Variants in SBF2 observed in about 807,000 individuals in gnomAD.
The protein encoded by SBF2 is SET binding factor 2.
In SBF2, 112 loss-of-function variants were observed where a neutral mutation model predicts 225.2. The observed-to-expected ratio is 0.50, with a 90% CI of 0.43 to 0.58. The LOEUF (loss-of-function observed/expected upper bound fraction) is 0.58, where lower values mean the gene tolerates loss of function less well. SBF2 is among the 20% of genes least tolerant of loss of function. SBF2 has a pLI of 0.00. For synonymous variants in SBF2, 763 were observed against 773.3 expected (o/e 0.99, Z 0.22); for missense variants, 1,996 against 2,206.2 (o/e 0.90, Z 1.91).
At chr11:9,851,585 AAT>A (rs929865293) in intron 21 of SBF2, among the ~76,000 whole-genome samples, 1 of 152,148 alleles carries the variant, frequency 6.6e-6, no homozygotes, top group Admixed American at 6.5e-5. Context: ...CTGAAGGTCT[AAT>A]ATGTTTATTT....
intron 15 of SBF2, among the ~76,000 whole-genome samples, chr11:9,963,423 T>A (rs7936351): frequency 6.6e-6 from 1 of 152,078 alleles, no homozygotes; most frequent in African/African-American, 2.4e-5. Context: ...CAAGATCATG[T>A]CACTGTACTC....
chr11:9,987,797 T>C (rs747216223), intron 13 of SBF2, among the ~76,000 whole-genome samples: 14 of 152,138 alleles, frequency 9.2e-5, no homozygotes, highest in Non-Finnish European at 1.6e-4. Context: ...ACACATCCCA[T>C]GCTCATGGAT....
chr11:10,304,429 C>CAAAT (rs1351682432), intron 1 of SBF2, among the ~76,000 whole-genome samples: 1 of 152,206 alleles, frequency 6.6e-6, no homozygotes, highest in African/African-American at 2.4e-5. Context: ...AGATAATTCC[C>CAAAT]CCCTCCAAAT....
At chr11:9,877,531 T>C (rs1433094114) in intron 17 of SBF2, among the ~76,000 whole-genome samples, 4 of 152,184 alleles carry the variant, frequency 2.6e-5, no homozygotes, top group East Asian at 1.9e-4. Flanking sequence ...TTTCTCCTAA[T>C]GCTATCCCTA....
chr11:10,296,599 T>C (rs12418494), upstream of SBF2, among the ~76,000 whole-genome samples: 41,583 of 152,060 alleles, frequency 0.27, 6,473 homozygotes, highest in Non-Finnish European at 0.36. Context: ...AACCATATCA[T>C]ATGTATATAC....
rs372563104 is a variant in SBF2 at position 9,823,045 on chromosome 11, T to A, written c.3794-6021A>T. Among the ~76,000 whole-genome samples, 5 of 152,322 alleles carry A rather than the reference T, an allele frequency of 3.3e-5. No individual in the cohort carries two copies. The South Asian group carries it at 1.0e-3, about 32-fold the overall frequency. The stretch of plus-strand genomic sequence containing the variant: ...AAGGATGAAAAATTAAAAAGCTGCC[T>A]CCAAGTGGCTACTTCTCAAATATAC... On this transcript the variant is annotated intron_variant, in intron 28 of 39. Transcript: ENST00000256190.
At chr11:10,274,344 T>C (rs1251988368) in intron 1 of SBF2, among the ~76,000 whole-genome samples, 1 of 152,368 alleles carries the variant, frequency 6.6e-6, no homozygotes, top group South Asian at 2.1e-4. Flanking sequence ...TGAAGAGATA[T>C]GTACTACATT....
chr11:10,063,830 A>AAC (rs140036479), intron 2 of SBF2, among the ~76,000 whole-genome samples: 8,183 of 140,098 alleles, frequency 0.058, 292 homozygotes, highest in Non-Finnish European at 0.072. Context: ...TCTAAAATAA[A>AAC]ACACACACAC....
intron 2 of SBF2, among the ~76,000 whole-genome samples, chr11:10,124,297 A>G (rs1953631719): frequency 2.6e-5 from 4 of 152,158 alleles, no homozygotes; most frequent in African/African-American, 9.7e-5. Flanking sequence ...TATCCTTCCA[A>G]TGGCATACTA....
chr11:10,296,036 C>A (rs1347517648), upstream of SBF2, among the ~76,000 whole-genome samples: 1 of 152,182 alleles, frequency 6.6e-6, no homozygotes, highest in Non-Finnish European at 1.5e-5. Flanking sequence ...ATTAAGCAGT[C>A]ATTCTCATTC....
At chr11:9,994,392 G>A (rs1481894508) in intron 9 of SBF2, among the ~76,000 whole-genome samples, 6 of 150,812 alleles carry the variant, frequency 4.0e-5, no homozygotes, top group Non-Finnish European at 5.9e-5. Flanking sequence ...GGAGAATGGC[G>A]TGAACCCGGG....
chr11:10,244,630 T>G (rs909241128), intron 1 of SBF2, among the ~76,000 whole-genome samples: 1 of 152,216 alleles, frequency 6.6e-6, no homozygotes, highest in Non-Finnish European at 1.5e-5. Flanking sequence ...TTTAGGCATG[T>G]GTTATCCTGT....
intron 2 of SBF2, among the ~76,000 whole-genome samples, chr11:10,047,267 A>C (rs1308451175): frequency 6.6e-6 from 1 of 152,170 alleles, no homozygotes; most frequent in African/African-American, 2.4e-5. Flanking sequence ...ATATTAACAA[A>C]ATGATCCTAA....
At chr11:10,011,276 G>A (rs968999246) in intron 6 of SBF2, among the ~76,000 whole-genome samples, 3 of 152,082 alleles carry the variant, frequency 2.0e-5, no homozygotes, top group East Asian at 3.8e-4. Flanking sequence ...ACCCAGGCTG[G>A]AGTATAGTGG....
At chr11:10,154,870 C>G (rs1331376137) in intron 2 of SBF2, among the ~76,000 whole-genome samples, 1 of 152,114 alleles carries the variant, frequency 6.6e-6, no homozygotes, top group Admixed American at 6.5e-5. Context: ...TCAGTGACAG[C>G]TGATCTATTT....
At position 9,832,435 on chromosome 11, in the gene SBF2, A is replaced by G. The variant is rs764213489; in HGVS notation, c.3456-15T>C. ...GGCCAGGATAGCTTCAGAGACATAG[A>G]ATAGAGAAGAGAATGATTGGGGGAA... On this transcript the variant is annotated splice_polypyrimidine_tract_variant and intron_variant, in intron 26 of 39. Transcript: ENST00000256190. 2.5e-6 allele frequency: 4 copies of G among 1,592,990 alleles called. No homozygotes were observed. The Admixed American group carries it at 5.0e-5, about 20-fold the overall frequency.
intron 6 of SBF2, among the ~76,000 whole-genome samples, chr11:10,027,475 A>G (rs777996221): frequency 1.3e-5 from 2 of 152,184 alleles, no homozygotes; most frequent in African/African-American, 2.4e-5. Flanking sequence ...AAGAGACAGG[A>G]GGGAAGCAAG....
chr11:10,143,748 C>T (rs760650388), intron 2 of SBF2, among the ~76,000 whole-genome samples: 20 of 151,472 alleles, frequency 1.3e-4, no homozygotes, highest in African/African-American at 4.1e-4. Flanking sequence ...GACGAAGTCT[C>T]GCTCTTTCGC....
chr11:9,851,629 T>C (rs1251262421), intron 21 of SBF2, among the ~76,000 whole-genome samples: 1 of 152,218 alleles, frequency 6.6e-6, no homozygotes, highest in African/African-American at 2.4e-5. Flanking sequence ...ATCAGCACTA[T>C]TATTTTTGTT....
Sources: allele counts gnomAD v4.1 joint callset (sites outside exome capture counted in the v4.1 genomes callset), GRCh38; gene constraint gnomAD v4.1.1; transcripts MANE v1.5; gene names NCBI Gene and HGNC (gene_info 2026-07-23, HGNC 2026-07-21).